DLGAP2: variants seen among roughly 807,000 people sequenced by gnomAD.
The protein encoded by DLGAP2 is DLG associated protein 2.
In DLGAP2, 26 loss-of-function variants were observed where a neutral mutation model predicts 100.3. The ratio of observed to expected loss-of-function variants is 0.26; its 90% CI spans 0.19 to 0.36. The LOEUF is 0.36. DLGAP2 is among the 10% of genes least tolerant of loss of function. The pLI, the probability that DLGAP2 is intolerant of heterozygous loss-of-function variation, is 1.00. For synonymous variants in DLGAP2, 886 were observed against 630.1 expected (o/e 1.41, Z -6.08); for missense variants, 1,858 against 1,453.2 (o/e 1.28, Z -4.53).
intron 1 of DLGAP2, among the ~76,000 whole-genome samples, chr8:877,650 T>C (rs1797709405): frequency 1.3e-5 from 2 of 152,246 alleles, no homozygotes; most frequent in African/African-American, 2.4e-5. Context: ...AGCTGTCTTA[T>C]TCCCTAGTTC....
chr8:1,116,139 C>T lies in DLGAP2; in HGVS notation c.74-142712C>T, dbSNP rs57319923. Among the ~76,000 whole-genome samples, 1,038 of 152,304 alleles carry T rather than the reference C, an allele frequency of 6.8e-3. 12 individuals are homozygous for T. Among genetic ancestry groups the T allele is most frequent in the African/African-American group, 0.023 (976 of 41,560 alleles). On this transcript the variant is annotated intron_variant, in intron 2 of 14. Coordinates refer to ENST00000637795, the MANE Select transcript of DLGAP2 (RefSeq NM_001346810.2). ...TGGAGATCTTGGCCTTGATGCGGTA[C>T]GCAATCCCATCCCCATGGGGTGCGC...
intron 3 of DLGAP2, among the ~76,000 whole-genome samples, chr8:1,263,797 A>G (rs1799398405): frequency 6.6e-6 from 1 of 152,188 alleles, no homozygotes; most frequent in Admixed American, 6.5e-5. Context: ...CCACTGTTTC[A>G]AAGACAGCTG....
chr8:1,202,166 CTG>C (rs1167330888), intron 2 of DLGAP2, among the ~76,000 whole-genome samples: 5 of 151,662 alleles, frequency 3.3e-5, no homozygotes, highest in Admixed American at 1.3e-4. Context: ...TGTACAGTAT[CTG>C]TGTATCTGTG....
At chr8:1,576,222 T>C (rs1183084711) in intron 6 of DLGAP2, among the ~76,000 whole-genome samples, 1 of 152,266 alleles carries the variant, frequency 6.6e-6, no homozygotes, top group Non-Finnish European at 1.5e-5. Flanking sequence ...TGGCCAGTGA[T>C]GATGAGCATT....
chr8:1,099,809 T>C (rs1326340106), intron 2 of DLGAP2, among the ~76,000 whole-genome samples: 1 of 152,208 alleles, frequency 6.6e-6, no homozygotes, highest in Non-Finnish European at 1.5e-5. Flanking sequence ...ATTCTGAAGA[T>C]AATTCACTTA....
chr8:1,494,647 G>A (rs990403472), intron 3 of DLGAP2, among the ~76,000 whole-genome samples: 7 of 152,106 alleles, frequency 4.6e-5, no homozygotes, highest in African/African-American at 1.4e-4. Flanking sequence ...AGAATTGCTT[G>A]ATCCCGGGAG....
At chr8:903,368 GC>G (rs144302443) in intron 1 of DLGAP2, among the ~76,000 whole-genome samples, 3,301 of 152,092 alleles carry the variant, frequency 0.022, 61 homozygotes, top group Non-Finnish European at 0.032. Context: ...TAACTGCAGA[GC>G]CCCCCGGGCA....
At chr8:1,063,406 C>A (rs530031370) in intron 2 of DLGAP2, among the ~76,000 whole-genome samples, 1 of 152,258 alleles carries the variant, frequency 6.6e-6, no homozygotes, top group East Asian at 1.9e-4. Context: ...CACAAAGGGC[C>A]TTAGCAGTGG....
At chr8:1,434,411 C>T (rs559375974) in intron 3 of DLGAP2, among the ~76,000 whole-genome samples, 2 of 152,194 alleles carry the variant, frequency 1.3e-5, no homozygotes, top group South Asian at 4.2e-4. Flanking sequence ...AAGAGAGAGC[C>T]CTTAGCATCC....
intron 3 of DLGAP2, among the ~76,000 whole-genome samples, chr8:1,368,110 T>C (rs1802149684): frequency 6.6e-6 from 1 of 152,182 alleles, no homozygotes; most frequent in Non-Finnish European, 1.5e-5. Context: ...GTGCTGATTG[T>C]ATGTATGTAG....
intron 1 of DLGAP2, among the ~76,000 whole-genome samples, chr8:766,278 TAACATCTGCCCCA>T (rs1478296361): frequency 6.6e-6 from 1 of 152,190 alleles, no homozygotes; most frequent in Non-Finnish European, 1.5e-5. Flanking sequence ...GTGGGGTACA[TAACATCTGCCCCA>T]AACCCTTTCC....
In DLGAP2 at chr8:1,522,881, G is replaced by C. The variant is rs1438315917; in HGVS notation, c.172+21450G>C. 2.4e-4 allele frequency among the ~76,000 whole-genome samples: 36 copies of C among 152,262 alleles called. 1 individual carries two copies. ...GATATGATATCATGCATTTTGGCAT[G>C]AAAATTAGGGAGTAGCTCTACATTG... On this transcript the variant is annotated intron_variant, in intron 4 of 14. Transcript: ENST00000637795.
chr8:1,322,006 T>G (rs548894221), intron 3 of DLGAP2, among the ~76,000 whole-genome samples: 1 of 152,300 alleles, frequency 6.6e-6, no homozygotes, highest in Admixed American at 6.5e-5. Context: ...TTCTAGAGAT[T>G]AGAATTTATA....
intron 1 of DLGAP2, among the ~76,000 whole-genome samples, chr8:880,510 G>A (rs1321178358): frequency 6.8e-6 from 1 of 147,332 alleles, no homozygotes; most frequent in Non-Finnish European, 1.5e-5. Flanking sequence ...GTGGGTCGGG[G>A]TGACCGTCCA....
intron 3 of DLGAP2, among the ~76,000 whole-genome samples, chr8:1,412,362 C>G (rs752545880): frequency 3.3e-5 from 5 of 152,236 alleles, no homozygotes; most frequent in Admixed American, 6.5e-5. Context: ...TCTCCTCCAT[C>G]TCTCTTACAG....
intron 3 of DLGAP2, among the ~76,000 whole-genome samples, chr8:1,378,669 G>A (rs2129751271): frequency 6.6e-6 from 1 of 152,368 alleles, no homozygotes; most frequent in South Asian, 2.1e-4. Context: ...CATGGGTTGG[G>A]CGGGGACAGG....
At chr8:1,308,317 A>G (rs543002550) in intron 3 of DLGAP2, among the ~76,000 whole-genome samples, 1 of 152,320 alleles carries the variant, frequency 6.6e-6, no homozygotes, top group South Asian at 2.1e-4. Context: ...TGCACACGGC[A>G]AATAATACAG....
At chr8:1,366,419 C>G (rs1802109679) in intron 3 of DLGAP2, among the ~76,000 whole-genome samples, 1 of 152,208 alleles carries the variant, frequency 6.6e-6, no homozygotes, top group Non-Finnish European at 1.5e-5. Flanking sequence ...ACCAAGCGCA[C>G]TGTGTCCTCA....
rs113976294 is a variant in DLGAP2 at position 1,550,304 on chromosome 8, G to A, written c.1230+621G>A. ...GACGGCACGCTATGGCTTTGTGCGC[G>A]GGGCTGCAGGGATGGCGGGACGTTA... On this transcript the variant is annotated intron_variant, in intron 5 of 14. Transcript: ENST00000637795. Among the ~76,000 whole-genome samples, 459 of 152,282 alleles carry A rather than the reference G, an allele frequency of 3.0e-3. 1 individual carries two copies. Among genetic ancestry groups the A allele is most frequent in the Middle Eastern group, 6.8e-3 (2 of 294 alleles).
Sources: gnomAD v4.1 joint callset for allele counts (sites outside exome capture counted in the v4.1 genomes callset) on GRCh38, gnomAD v4.1.1 for gene constraint, MANE v1.5 for transcripts, NCBI Gene and HGNC (gene_info 2026-07-23, HGNC 2026-07-21) for gene names.